The following AUTS2 variants were observed in gnomAD, a reference collection of about 807,000 sequenced individuals.
The protein encoded by AUTS2 is autism susceptibility gene 2 protein.
In AUTS2, 17 loss-of-function variants were observed where a neutral mutation model predicts 112.4. The observed-to-expected ratio is 0.15, with a 90% CI of 0.10 to 0.23. AUTS2 has a LOEUF of 0.23. Ranked by LOEUF, AUTS2 falls within the 10% of genes least tolerant of loss-of-function variation. The pLI is 1.00. For synonymous variants in AUTS2, 751 were observed against 702.7 expected (o/e 1.07, Z -1.09); for missense variants, 1,510 against 1,701.6 (o/e 0.89, Z 1.98).
At chr7:70,255,785 TA>T (rs1466200505) in intron 4 of AUTS2, among the ~76,000 whole-genome samples, 5 of 152,212 alleles carry the variant, frequency 3.3e-5, no homozygotes, top group African/African-American at 1.2e-4. Flanking sequence ...TCAAAAGCAC[TA>T]TTGACCTTGT....
chr7:69,809,616 A>G (rs1438338677), intron 1 of AUTS2, among the ~76,000 whole-genome samples: 1 of 152,180 alleles, frequency 6.6e-6, no homozygotes, highest in Non-Finnish European at 1.5e-5. Context: ...TCCACAAGTA[A>G]CAGAAGCACA....
At chr7:70,378,424 T>G (rs541558013) in intron 4 of AUTS2, among the ~76,000 whole-genome samples, 2 of 152,360 alleles carry the variant, frequency 1.3e-5, no homozygotes, top group South Asian at 4.1e-4. Context: ...AATTCAGTTA[T>G]TAGCTATGAT....
intron 2 of AUTS2, among the ~76,000 whole-genome samples, chr7:69,928,198 G>C (rs901204335): frequency 6.6e-6 from 1 of 152,296 alleles, no homozygotes; most frequent in African/African-American, 2.4e-5. Context: ...TATGGGCTCA[G>C]AATTTAGGAA....
At chr7:69,955,445 A>G (rs1797175334) in intron 2 of AUTS2, among the ~76,000 whole-genome samples, 1 of 152,146 alleles carries the variant, frequency 6.6e-6, no homozygotes. Flanking sequence ...CTCAGTAGGG[A>G]AGGCACCAGC....
At chr7:70,243,810 A>G (rs1460592094) in intron 4 of AUTS2, among the ~76,000 whole-genome samples, 1 of 152,148 alleles carries the variant, frequency 6.6e-6, no homozygotes, top group African/African-American at 2.4e-5. Context: ...TAACAGGGAT[A>G]TGGCTTGTAA....
At chr7:70,307,863 T>TA (rs548463802) in intron 4 of AUTS2, among the ~76,000 whole-genome samples, 24 of 147,944 alleles carry the variant, frequency 1.6e-4, no homozygotes, top group African/African-American at 3.2e-4. Context: ...GTTACCAACT[T>TA]AAAAAAAAAA....
chr7:69,714,237 A>ATGTGTGTG (rs138808537), intron 1 of AUTS2, among the ~76,000 whole-genome samples: 1 of 89,902 alleles, frequency 1.1e-5, no homozygotes, highest in African/African-American at 4.7e-5. Flanking sequence ...CTAATTGTGC[A>ATGTGTGTG]TGTGTGTGTA....
chr7:70,768,166 A>C, intron 10 of AUTS2, 98 bp downstream of exon 10: 2 of 1,221,426 alleles, frequency 1.6e-6, no homozygotes, highest in Non-Finnish European at 2.3e-6. Flanking sequence ...TTCCTTAATC[A>C]TCTTTGCAAG....
intron 2 of AUTS2, among the ~76,000 whole-genome samples, chr7:69,923,815 A>G (rs908607351): frequency 6.6e-6 from 1 of 152,060 alleles, no homozygotes; most frequent in African/African-American, 2.4e-5. Flanking sequence ...ACCTTGCTAA[A>G]CTCACTTATT....
chr7:70,773,637 T>C (rs538651072), intron 11 of AUTS2, among the ~76,000 whole-genome samples: 11 of 152,358 alleles, frequency 7.2e-5, no homozygotes, highest in African/African-American at 2.6e-4. Context: ...CTGCCAATTA[T>C]AATAATGTTC....
intron 1 of AUTS2, among the ~76,000 whole-genome samples, chr7:69,765,547 C>A (rs1788382537): frequency 6.6e-6 from 1 of 152,168 alleles, no homozygotes; most frequent in African/African-American, 2.4e-5. Context: ...AAACTCCTGG[C>A]CTCAAGTGGT....
At chr7:70,266,508 G>A (rs1362385599) in intron 4 of AUTS2, among the ~76,000 whole-genome samples, 3 of 152,054 alleles carry the variant, frequency 2.0e-5, no homozygotes, top group Admixed American at 1.3e-4. Context: ...TGGTTAAAAT[G>A]ATACATTTTA....
chr7:70,775,478 G>T (rs771143910), intron 13 of AUTS2, 92 bp downstream of exon 13: 25 of 1,012,692 alleles, frequency 2.5e-5, no homozygotes, highest in Non-Finnish European at 3.3e-5. Context: ...ATAAGCCATA[G>T]AAATGTTGGA....
At chr7:70,045,189 T>C (rs1330032758) in intron 2 of AUTS2, among the ~76,000 whole-genome samples, 2 of 152,178 alleles carry the variant, frequency 1.3e-5, no homozygotes, top group African/African-American at 2.4e-5. Flanking sequence ...GGGCAAAGTT[T>C]ATGAAGGAAG....
intron 1 of AUTS2, among the ~76,000 whole-genome samples, chr7:69,802,257 A>G (rs548698751): frequency 1.3e-5 from 2 of 152,306 alleles, no homozygotes; most frequent in East Asian, 3.9e-4. Flanking sequence ...CCCTAAGGAA[A>G]AAGCCTGTCT....
chr7:70,231,875 G>T (rs1812074486), intron 4 of AUTS2, among the ~76,000 whole-genome samples: 1 of 151,102 alleles, frequency 6.6e-6, no homozygotes. Flanking sequence ...CCAAGTTCAA[G>T]CGATTCTCCT....
chr7:69,891,163 C>G (rs895387759), intron 1 of AUTS2, among the ~76,000 whole-genome samples: 16 of 152,206 alleles, frequency 1.1e-4, no homozygotes, highest in African/African-American at 3.9e-4. Flanking sequence ...CAGGAAGCCA[C>G]TAGCCTGCTT....
chr7:70,322,222 A>G (rs1466793742), intron 4 of AUTS2, among the ~76,000 whole-genome samples: 1 of 152,202 alleles, frequency 6.6e-6, no homozygotes, highest in Non-Finnish European at 1.5e-5. Flanking sequence ...AAATTAAAAT[A>G]CATTATAGTA....
chr7:69,627,836 A>G (rs985858544), intron 1 of AUTS2, among the ~76,000 whole-genome samples: 1 of 152,152 alleles, frequency 6.6e-6, no homozygotes. Context: ...TAGTAATGCA[A>G]CCCTCACAGG....
Sources: gnomAD v4.1 joint callset for allele counts (sites outside exome capture counted in the v4.1 genomes callset) on GRCh38, gnomAD v4.1.1 for gene constraint, MANE v1.5 for transcripts, NCBI Gene and HGNC (gene_info 2026-07-23, HGNC 2026-07-21) for gene names.